Variants in HMCN1 observed in about 807,000 individuals in gnomAD.
HMCN1 encodes the protein hemicentin-1.
A neutral mutation model predicts 625.9 loss-of-function variants in HMCN1; 321 were observed. The observed-to-expected ratio is 0.51, with a 90% CI of 0.47 to 0.56. HMCN1 has a LOEUF of 0.56. Among genes scored for constraint, HMCN1 ranks in the 20% least tolerant of loss-of-function variants. The pLI, the probability that HMCN1 is intolerant of heterozygous loss-of-function variation, is 0.00. For missense variants in HMCN1, 6,588 were observed against 6,887.3 expected (o/e 0.96, Z 1.54); for synonymous variants, 2,425 against 2,417.6 (o/e 1.00, Z -0.09).
chr1:186,129,821 A>C, intron 83 of HMCN1, 145 bp from the exon 84 acceptor site: 1 of 931,256 alleles, frequency 1.1e-6, no homozygotes, highest in Non-Finnish European at 1.7e-6. Context: ...AGATGAAGAA[A>C]TGTGGAAAAG....
At chr1:186,080,742 C>G (rs1462411975) in intron 55 of HMCN1, among the ~76,000 whole-genome samples, 1 of 152,138 alleles carries the variant, frequency 6.6e-6, no homozygotes, top group East Asian at 1.9e-4. Flanking sequence ...CTTTGAATCA[C>G]CCAGGCAATT....
rs192746737 is a variant in HMCN1 at position 186,162,211 on chromosome 1, G to A, written c.15257-2900G>A. Among the ~76,000 whole-genome samples the A allele has an allele frequency of 9.8e-3, 1,493 of 151,858 alleles. 11 individuals are homozygous for A. Among genetic ancestry groups the A allele is most frequent in the Middle Eastern group, 0.041 (12 of 294 alleles). On this transcript the variant is annotated intron_variant, in intron 97 of 106. Transcript: ENST00000271588. Reference sequence around the variant, plus strand: ...GTCCTTTCTTCCAGTTGATTGCATCGGCTCCTGAGGCTTCTGCATTCTTCA... The same window carrying A: ...GTCCTTTCTTCCAGTTGATTGCATCAGCTCCTGAGGCTTCTGCATTCTTCA...
intron 36 of HMCN1, among the ~76,000 whole-genome samples, chr1:186,036,011 T>G (rs1655796433): frequency 6.6e-6 from 1 of 152,196 alleles, no homozygotes; most frequent in Non-Finnish European, 1.5e-5. Context: ...TTAACAATTT[T>G]TGCTTTGTTA....
At chr1:185,903,888 C>G (rs572026464) in intron 4 of HMCN1, among the ~76,000 whole-genome samples, 2 of 151,980 alleles carry the variant, frequency 1.3e-5, no homozygotes, top group African/African-American at 4.8e-5. Flanking sequence ...CATTTCCTCT[C>G]TATAGGCACA....
intron 2 of HMCN1, among the ~76,000 whole-genome samples, chr1:185,850,105 T>G (rs1368141611): frequency 6.6e-6 from 1 of 152,212 alleles, no homozygotes; most frequent in Non-Finnish European, 1.5e-5. Context: ...GTAGCTCGTA[T>G]TAACCTGTGC....
intron 11 of HMCN1, among the ~76,000 whole-genome samples, chr1:185,958,433 T>C (rs137923040): frequency 6.6e-6 from 1 of 152,314 alleles, no homozygotes; most frequent in African/African-American, 2.4e-5. Flanking sequence ...ATAGGATATA[T>C]AATCTAAATG....
In HMCN1 at chr1:186,189,710, T is replaced by G; in HGVS notation, c.16740T>G (p.Phe5580Leu). ...TAGATGAGGAACAGACTGTTCCTTT[T>G]GCCTTGAGGGATGAAAACCTGAAAG... ...LMVDEEQTVP[F>L]ALRDENLKGV... The change falls in exon 107 of 107, where the codon TTT (phenylalanine) becomes TTG (leucine). Residue 5580 changes from phenylalanine (F) to leucine (L), a missense_variant. Physicochemically the swap from Phe to Leu is conservative, Grantham distance 22. Around this residue, in one of 3 missense-constraint regions of HMCN1, gnomAD observed 1,954 missense variants for 2,013.1 expected, o/e 0.97. Transcript: ENST00000271588. 1 of 1,613,530 alleles carries G rather than the reference T, an allele frequency of 6.2e-7. No individual in the cohort carries two copies. The highest frequency in any genetic ancestry group is 2.2e-5 in the East Asian group (1 of 44,844).
chr1:185,880,868 G>A (rs1272059706), intron 4 of HMCN1, among the ~76,000 whole-genome samples: 1 of 152,230 alleles, frequency 6.6e-6, no homozygotes, highest in Non-Finnish European at 1.5e-5. Flanking sequence ...CTTTCTGATA[G>A]CTTTATCATG....
At chr1:186,139,667 G>A (rs1423794255) in intron 89 of HMCN1, among the ~76,000 whole-genome samples, 2 of 149,578 alleles carry the variant, frequency 1.3e-5, no homozygotes, top group African/African-American at 4.9e-5. Context: ...TTTAGCTATT[G>A]TTTGAGCATA....
chr1:186,060,745 G>A (rs969774501), intron 46 of HMCN1, among the ~76,000 whole-genome samples: 1 of 151,978 alleles, frequency 6.6e-6, no homozygotes, highest in Non-Finnish European at 1.5e-5. Context: ...TATTAGGTTG[G>A]TGCAAAAGTA....
In HMCN1 at chr1:186,130,605, A is replaced by G; in HGVS notation, c.13138A>G (p.Thr4380Ala). 1 of 1,613,518 alleles carries G rather than the reference A, an allele frequency of 6.2e-7. No individual in the cohort carries two copies. Among genetic ancestry groups the G allele is most frequent in the South Asian group, 1.1e-5 (1 of 91,082 alleles). Residue 4380 changes from threonine to alanine, a missense_variant, in exon 85 of 107, where the codon ACC becomes GCC. By Grantham distance (58) the Thr-to-Ala change is moderately conservative (BLOSUM62 0). Transcript: ENST00000271588. ...NCEVKGDPTP[T>A]IQWNRKGVDI... ...TGAGGTGAAAGGAGACCCCACCCCA[A>G]CCATCCAGTGGAACAGAAAGGGAGT...
chr1:186,016,910 G>A (rs1654404560), intron 32 of HMCN1, 53 bp from the exon 33 acceptor site: 2 of 944,630 alleles, frequency 2.1e-6, no homozygotes, highest in Non-Finnish European at 3.5e-6. Context: ...ATATGATGGT[G>A]TGTTTTTTGT....
intron 59 of HMCN1, 37 bp downstream of exon 59, chr1:186,087,367 TA>T: frequency 6.3e-7 from 1 of 1,599,722 alleles, no homozygotes; most frequent in Non-Finnish European, 8.6e-7. Context: ...TCTTTTATTT[TA>T]AAACTGGTAT....
rs1652556276 is a variant in HMCN1, at chr1:185,993,218, T to C, written c.3414T>C (p.Thr1138=). The C allele has an allele frequency of 6.2e-7, 1 of 1,612,686 alleles. No individual in the cohort carries two copies. Among genetic ancestry groups the C allele is most frequent in the Non-Finnish European group, 8.5e-7 (1 of 1,178,912 alleles). Residue 1138 remains threonine, a synonymous_variant, in exon 23 of 107, where the codon ACT becomes ACC. Transcript: ENST00000271588. ...TCCCTTCTGGTTCAATGAAGATCAC[T>C]GAAACCCGCACTTCAGATAGTGGGA... ...TFLPSGSMKI[T]ETRTSDSGMY...
rs183779573 is a variant in HMCN1, at chr1:186,069,419, C to G, written c.7880-244C>G. On this transcript the variant is annotated intron_variant, in intron 50 of 106. Transcript: ENST00000271588. ...TCTTAGCTAGAGTGGTATACAAAGG[C>G]ATGGCAGGTCTGAATGAGCATGAGA... Among the ~76,000 whole-genome samples, 46 of 152,260 alleles carry G rather than the reference C, an allele frequency of 3.0e-4. No individual in the cohort carries two copies. The East Asian group carries it at 8.7e-3, about 29-fold the overall frequency.
At chr1:185,870,464 G>A (rs569629424) in intron 4 of HMCN1, among the ~76,000 whole-genome samples, 17 of 152,084 alleles carry the variant, frequency 1.1e-4, no homozygotes, top group Non-Finnish European at 4.4e-5. Flanking sequence ...CTCATATCCT[G>A]TAACATTCCC....
intron 1 of HMCN1, among the ~76,000 whole-genome samples, chr1:185,772,938 A>G (rs1420114795): frequency 6.6e-6 from 1 of 152,082 alleles, no homozygotes; most frequent in Non-Finnish European, 1.5e-5. Context: ...AGCTCTTTTT[A>G]TAGTGGCATT....
chr1:186,118,832 G>A (rs1411375736), intron 77 of HMCN1, among the ~76,000 whole-genome samples: 2 of 152,216 alleles, frequency 1.3e-5, no homozygotes, highest in East Asian at 3.8e-4. Context: ...GCAGATTAGT[G>A]GTGGGCTAAG....
chr1:185,751,501 C>T (rs1428453504), intron 1 of HMCN1, among the ~76,000 whole-genome samples: 1 of 151,984 alleles, frequency 6.6e-6, no homozygotes, highest in Non-Finnish European at 1.5e-5. Context: ...TTTTGTCTTT[C>T]CTGCCTGGAA....
Sources: gnomAD v4.1 joint callset for allele counts (sites outside exome capture counted in the v4.1 genomes callset) on GRCh38, gnomAD v4.1.1 for gene constraint, gnomAD v4.1.1 regional missense constraint, MANE v1.5 for transcripts, NCBI Gene and HGNC (gene_info 2026-07-23, HGNC 2026-07-21) for gene names.